GIMAP8: variants seen among roughly 807,000 people sequenced by gnomAD.
GIMAP8 encodes the protein GTPase, IMAP family member 8.
A neutral mutation model predicts 35.6 loss-of-function variants in GIMAP8; 29 were observed. The observed-to-expected ratio is 0.81, with a 90% confidence interval of 0.61 to 1.11. The LOEUF (loss-of-function observed/expected upper bound fraction) is 1.11, where lower values mean the gene tolerates loss of function less well. GIMAP8 is among the 50% of genes most tolerant of loss of function. The pLI is 0.00. For missense variants in GIMAP8, 811 were observed against 805.0 expected, an observed-to-expected ratio of 1.01 and a Z score of -0.09; for synonymous variants, 335 against 308.7, an observed-to-expected ratio of 1.09 and a Z score of -0.89.
chr7:150,474,900 G>C (rs996244293), intron 4 of GIMAP8, among the ~76,000 whole-genome samples: 7 of 147,148 alleles, frequency 4.8e-5, no homozygotes, highest in African/African-American at 1.5e-4. Flanking sequence ...ACAGTCCCCA[G>C]AGTGTGATAT....
Position 150,466,901 on chromosome 7 carries a change from A to T in GIMAP8, c.203A>T (p.Asp68Val), listed in dbSNP as rs201906357. Reference sequence around the variant, plus strand: ...AAGGTTGTGGTAATTGACACCCCTGACCTTTTCTCCTCAATAGCTTGTGCT... The same window carrying T: ...AAGGTTGTGGTAATTGACACCCCTGTCCTTTTCTCCTCAATAGCTTGTGCT... ...ERKVVVIDTP[D>V]LFSSIACAED... The change falls in exon 2 of 5, where the codon GAC (aspartate) becomes GTC (valine). Residue 68 changes from aspartate (D) to valine (V), a missense_variant. Transcript: ENST00000307271. 2 of 1,614,204 alleles carry T rather than the reference A, an allele frequency of 1.2e-6. No individual in the cohort carries two copies. Among genetic ancestry groups the T allele is most frequent in the Non-Finnish European group, 1.7e-6 (2 of 1,180,008 alleles).
At position 150,466,908 on chromosome 7, in the gene GIMAP8, C is replaced by G; in HGVS notation, c.210C>G (p.Phe70Leu). The G allele has an allele frequency of 6.2e-7, 1 of 1,614,246 alleles. No individual in the cohort carries two copies. Residue 70 changes from phenylalanine to leucine, a missense_variant, in exon 2 of 5, where the codon TTC becomes TTG. By Grantham distance (22) the Phe-to-Leu change is conservative (BLOSUM62 0). Transcript: ENST00000307271. Reference protein sequence around the residue: ...KVVVIDTPDLFSSIACAEDKQ... With the variant: ...KVVVIDTPDLLSSIACAEDKQ... ...TGGTAATTGACACCCCTGACCTTTT[C>G]TCCTCAATAGCTTGTGCTGAAGACA...
chr7:150,473,193 A>C (rs6947074), intron 3 of GIMAP8, among the ~76,000 whole-genome samples: 2,513 of 152,214 alleles, frequency 0.017, 75 homozygotes, highest in African/African-American at 0.058. Flanking sequence ...TGCTCAGTTC[A>C]TAGGTCTGGT....
Position 150,478,976 on chromosome 7 carries a change from A to G in GIMAP8, c.*1196A>G, listed in dbSNP as rs1213649270. ...CACTTTGTACATGCTTTGAGAGCAT[A>G]ATCTTTGTCATCTGTTTTTTTCCCC... On this transcript the variant is annotated 3_prime_UTR_variant, in exon 5 of 5. Coordinates refer to ENST00000307271, the MANE Select transcript of GIMAP8 (RefSeq NM_175571.4). 1 of 152,244 alleles carries G rather than the reference A, an allele frequency of 6.6e-6. No individual in the cohort carries two copies. Among genetic ancestry groups the G allele is most frequent in the Non-Finnish European group, 1.5e-5 (1 of 68,044 alleles). The allele number at this position is 152,244 out of a possible 1,614,324, so 9.4% of individuals were successfully genotyped here.
chr7:150,467,462 T>A, intron 2 of GIMAP8, 128 bp downstream of exon 2: 1 of 762,588 alleles, frequency 1.3e-6, no homozygotes, highest in Non-Finnish European at 2.1e-6. Flanking sequence ...GATATTTATA[T>A]ATAATTTGCA....
At chr7:150,453,261 G>A (rs1691553790) in intron 1 of GIMAP8, among the ~76,000 whole-genome samples, 1 of 152,134 alleles carries the variant, frequency 6.6e-6, no homozygotes, top group Non-Finnish European at 1.5e-5. Context: ...GAAGATCCCC[G>A]GTGCTGATTA....
At position 150,477,694 on chromosome 7, in the gene GIMAP8, G is replaced by C; in HGVS notation, c.1912G>C (p.Glu638Gln). The change falls in exon 5 of 5, where the codon GAG becomes CAG. Residue 638 changes from glutamate (E) to glutamine (Q), a missense_variant. By Grantham distance (29) the Glu-to-Gln change is conservative. Coordinates refer to ENST00000307271, the MANE Select transcript of GIMAP8 (RefSeq NM_175571.4). ...SGWSGYPHTQ[E>Q]NVSKLIKNVQ... ...GTGGTCCGGGTATCCCCATACACAG[G>C]AGAACGTCAGCAAACTAATTAAAAA... 3 of 1,614,192 alleles carry C rather than the reference G, an allele frequency of 1.9e-6. No homozygotes were observed. The highest frequency in any genetic ancestry group is 1.7e-6 in the Non-Finnish European group (2 of 1,180,038).
Position 150,451,198 on chromosome 7 carries a change from C to T in GIMAP8, c.-29+23C>T, listed in dbSNP as rs1306222786. ...CAGGTGAGAGATGGAGGGATAGAGC[C>T]AGGTGGATTGCGGAGCCTCGGAGAC... On this transcript the variant is annotated intron_variant, in intron 1 of 4. Coordinates refer to ENST00000307271, the MANE Select transcript of GIMAP8 (RefSeq NM_175571.4). The surrounding 1 kb of genome is among the most constrained non-coding windows in gnomAD (Gnocchi z 4.1). 1 of 152,380 alleles carries T rather than the reference C, an allele frequency of 6.6e-6. No individual in the cohort carries two copies. Among genetic ancestry groups the T allele is most frequent in the Non-Finnish European group, 1.5e-5 (1 of 68,184 alleles). 9.4% of individuals were successfully genotyped at this position (152,380 alleles called of 1,614,324 possible).
intron 2 of GIMAP8, among the ~76,000 whole-genome samples, chr7:150,468,084 A>G (rs1326227583): frequency 6.6e-6 from 1 of 152,190 alleles, no homozygotes; most frequent in Non-Finnish European, 1.5e-5. Context: ...CTCCCCTTGG[A>G]GAGCCAAGAA....
At chr7:150,461,459 T>C (rs926171878) in intron 1 of GIMAP8, among the ~76,000 whole-genome samples, 1 of 152,232 alleles carries the variant, frequency 6.6e-6, no homozygotes, top group Non-Finnish European at 1.5e-5. Context: ...TGATCTATCA[T>C]TATATAATAA....
Position 150,478,345 on chromosome 7 carries a change from C to G in GIMAP8, c.*565C>G. 6.5e-6 allele frequency: 1 copy of G among 154,030 alleles called. No homozygotes were observed. The highest frequency in any genetic ancestry group is 1.4e-5 in the Non-Finnish European group (1 of 69,202). The allele number at this position is 154,030 out of a possible 1,614,324, so 9.5% of individuals were successfully genotyped here. On this transcript the variant is annotated 3_prime_UTR_variant, in exon 5 of 5. Transcript: ENST00000307271. ...TCTTTTCTTCACACGTTAGCCATTCCTTACGGCTCTTCACGTTCCACGCCT... is the reference window on the plus strand; with the variant it reads ...TCTTTTCTTCACACGTTAGCCATTCGTTACGGCTCTTCACGTTCCACGCCT...
At position 150,466,692 on chromosome 7, in the gene GIMAP8, G is replaced by A; in HGVS notation, c.-7G>A. 1 of 1,612,780 alleles carries A rather than the reference G, an allele frequency of 6.2e-7. No homozygotes were observed. Among genetic ancestry groups the A allele is most frequent in the African/African-American group, 1.3e-5 (1 of 75,032 alleles). On this transcript the variant is annotated 5_prime_UTR_variant, in exon 2 of 5. Transcript: ENST00000307271. ...ACAGAACAAGCGGGAGCCTGTGTCA[G>A]GAAAGCATGTCAGAGCAGAGCTGCC...
chr7:150,461,457 C>T (rs1801843617), intron 1 of GIMAP8, among the ~76,000 whole-genome samples: 1 of 152,164 alleles, frequency 6.6e-6, no homozygotes, highest in Non-Finnish European at 1.5e-5. Context: ...GTTGATCTAT[C>T]ATTATATAAT....
intron 1 of GIMAP8, among the ~76,000 whole-genome samples, chr7:150,465,190 T>G (rs1040202103): frequency 6.6e-6 from 1 of 152,206 alleles, no homozygotes; most frequent in African/African-American, 2.4e-5. Context: ...AATAACTTTC[T>G]GACTTCACCA....
At chr7:150,453,182 A>G (rs1801656182) in intron 1 of GIMAP8, among the ~76,000 whole-genome samples, 1 of 152,200 alleles carries the variant, frequency 6.6e-6, no homozygotes, top group African/African-American at 2.4e-5. Context: ...AATTGAGGAG[A>G]GAGAGGAGAT....
chr7:150,471,743 A>G (rs1287963553), intron 3 of GIMAP8, among the ~76,000 whole-genome samples: 1 of 152,096 alleles, frequency 6.6e-6, no homozygotes, highest in Admixed American at 6.5e-5. Flanking sequence ...AGGCTAAGAC[A>G]TGAGAATCAC....
chr7:150,471,824 A>G (rs1230867859), intron 3 of GIMAP8, among the ~76,000 whole-genome samples: 2 of 148,360 alleles, frequency 1.3e-5, no homozygotes, highest in Non-Finnish European at 3.0e-5. Context: ...GCAACAGAGC[A>G]AGACCCTGTC....
At chr7:150,475,841 A>G (rs1313283862) in intron 4 of GIMAP8, among the ~76,000 whole-genome samples, 6 of 152,242 alleles carry the variant, frequency 3.9e-5, no homozygotes, top group Non-Finnish European at 8.8e-5. Context: ...GATATTCCAG[A>G]GAGTACACCA....
intron 2 of GIMAP8, among the ~76,000 whole-genome samples, chr7:150,468,503 C>G (rs907714896): frequency 3.9e-5 from 6 of 152,108 alleles, no homozygotes; most frequent in Admixed American, 1.3e-4. Context: ...TGCGTAACAT[C>G]AGTTACGCAT....
Sources: gnomAD v4.1 joint callset for allele counts (sites outside exome capture counted in the v4.1 genomes callset) on GRCh38, gnomAD v4.1.1 for gene constraint, Gnocchi (gnomAD v3.1) non-coding constraint, MANE v1.5 for transcripts, NCBI Gene and HGNC (gene_info 2026-07-23, HGNC 2026-07-21) for gene names.